Variants in PAK5 observed in about 807,000 individuals in gnomAD.
PAK5 encodes p21 (RAC1) activated kinase 5, also known as serine/threonine-protein kinase PAK 5.
PAK5 carries 16 observed loss-of-function variants against 65.9 expected under a neutral mutation model. The ratio of observed to expected loss-of-function variants is 0.24; its 90% CI spans 0.16 to 0.37. The LOEUF (loss-of-function observed/expected upper bound fraction) is 0.37. Among genes scored for constraint, PAK5 ranks in the 10% least tolerant of loss-of-function variants. The pLI, the probability that PAK5 is intolerant of heterozygous loss-of-function variation, is 1.00. For missense variants in PAK5, 785 were observed against 903.9 expected (o/e 0.87, Z 1.69); for synonymous variants, 371 against 354.9 (o/e 1.05, Z -0.51).
At chr20:9,750,220 AG>A (rs1271657687) in intron 1 of PAK5, among the ~76,000 whole-genome samples, 6 of 152,152 alleles carry the variant, frequency 3.9e-5, no homozygotes, top group Non-Finnish European at 7.3e-5. Context: ...ACGTACAAGC[AG>A]TATGATCAGA....
At chr20:9,772,484 C>G (rs1160499920) in intron 1 of PAK5, among the ~76,000 whole-genome samples, 1 of 152,028 alleles carries the variant, frequency 6.6e-6, no homozygotes, top group African/African-American at 2.4e-5. Context: ...GTCAATGACA[C>G]CAGCCAGGAA....
chr20:9,577,216 C>T (rs1242909984), intron 4 of PAK5: 2 of 142,386 alleles, frequency 1.4e-5, no homozygotes, highest in African/African-American at 5.0e-5. Context: ...GCAAAATACA[C>T]TTAAATGTAG....
chr20:9,752,437 G>C (rs2048587665), intron 1 of PAK5, among the ~76,000 whole-genome samples: 1 of 152,088 alleles, frequency 6.6e-6, no homozygotes, highest in South Asian at 2.1e-4. Context: ...GGCCAAGAGT[G>C]GAAGTAGGGA....
At chr20:9,605,756 C>T (rs2046442253) in intron 3 of PAK5, among the ~76,000 whole-genome samples, 1 of 152,098 alleles carries the variant, frequency 6.6e-6, no homozygotes, top group Non-Finnish European at 1.5e-5. Context: ...TGGTAAGACC[C>T]CGTCTCTACT....
chr20:9,759,817 C>T (rs575634351), intron 1 of PAK5, among the ~76,000 whole-genome samples: 4 of 152,232 alleles, frequency 2.6e-5, no homozygotes, highest in African/African-American at 7.2e-5. Flanking sequence ...GAACAAGTCC[C>T]TATAAGACAC....
chr20:9,612,574 A>C (rs1264504367), intron 3 of PAK5, among the ~76,000 whole-genome samples: 1 of 152,030 alleles, frequency 6.6e-6, no homozygotes, highest in Non-Finnish European at 1.5e-5. Context: ...GCAAGAACTC[A>C]CTCATTATCA....
rs150725498 is a variant in PAK5 at position 9,618,915 on chromosome 20, G to GTTTTTTT, written c.204+25203_204+25209dup. ...AGATTCTTTTCTCTCTCTTTCTTTC[G>GTTTTTTT]TTTTTTTTTTTTTTTTTTTTTTTTT... On this transcript the variant is annotated intron_variant, in intron 3 of 9. Transcript: ENST00000353224. Among the ~76,000 whole-genome samples the GTTTTTTT allele has an allele frequency of 1.2e-3, 22 of 18,838 alleles. 6 individuals carry two copies. The highest frequency in any genetic ancestry group is 4.5e-3 in the East Asian group (2 of 448). The allele number at this position is 18,838 out of a possible 152,430, so 12.4% of individuals were successfully genotyped here.
chr20:9,665,085 G>GTTTGTTTTTTTTT (rs2047397241), intron 2 of PAK5, among the ~76,000 whole-genome samples: 1 of 98,920 alleles, frequency 1.0e-5, no homozygotes, highest in African/African-American at 4.1e-5. Context: ...AAATTTTTCT[G>GTTTGTTTTTTTTT]TTTTTTTTTT....
intron 2 of PAK5, among the ~76,000 whole-genome samples, chr20:9,664,914 C>T (rs544938803): frequency 6.6e-6 from 1 of 151,842 alleles, no homozygotes; most frequent in Non-Finnish European, 1.5e-5. Flanking sequence ...TATTTTGGTA[C>T]TACAACTTGT....
chr20:9,647,236 G>A (rs2047145801), intron 2 of PAK5, among the ~76,000 whole-genome samples: 2 of 152,198 alleles, frequency 1.3e-5, no homozygotes, highest in African/African-American at 2.4e-5. Flanking sequence ...GGCCTGGAAT[G>A]TTTTCAGTGG....
intron 4 of PAK5, among the ~76,000 whole-genome samples, chr20:9,577,938 T>C (rs987643459): frequency 6.6e-6 from 1 of 152,146 alleles, no homozygotes; most frequent in Non-Finnish European, 1.5e-5. Flanking sequence ...GTCTGCTTTG[T>C]CTTATATTTG....
At chr20:9,682,180 ACT>A (rs1261774759) in intron 2 of PAK5, among the ~76,000 whole-genome samples, 4 of 151,934 alleles carry the variant, frequency 2.6e-5, no homozygotes, top group African/African-American at 9.7e-5. Flanking sequence ...ACACGGTGAA[ACT>A]CTGTCTCTAC....
At chr20:9,557,467 TG>T (rs2045525115) in intron 7 of PAK5, 140 bp downstream of exon 7, 1 of 607,662 alleles carries the variant, frequency 1.6e-6, no homozygotes, top group Non-Finnish European at 2.7e-6. Flanking sequence ...ATTTCTTTTT[TG>T]TAAGTGTTCT....
intron 3 of PAK5, among the ~76,000 whole-genome samples, chr20:9,610,895 C>T (rs1163452818): frequency 6.6e-6 from 1 of 152,174 alleles, no homozygotes; most frequent in South Asian, 2.1e-4. Flanking sequence ...GGGCCCATTT[C>T]CCCTCCATCT....
chr20:9,815,826 G>T (rs1293799572), intron 1 of PAK5, among the ~76,000 whole-genome samples: 1 of 152,130 alleles, frequency 6.6e-6, no homozygotes, highest in Non-Finnish European at 1.5e-5. Flanking sequence ...CATGCCAAAT[G>T]ACAGTTCCTG....
intron 2 of PAK5, among the ~76,000 whole-genome samples, chr20:9,677,573 A>T (rs2047592049): frequency 6.6e-6 from 1 of 152,246 alleles, no homozygotes; most frequent in Non-Finnish European, 1.5e-5. Context: ...TGTAGATAAA[A>T]GTCTGAACTC....
At chr20:9,783,163 C>T (rs1223941289) in intron 1 of PAK5, among the ~76,000 whole-genome samples, 1 of 151,850 alleles carries the variant, frequency 6.6e-6, no homozygotes, top group Non-Finnish European at 1.5e-5. Flanking sequence ...CTTGAACTCC[C>T]GACCTCCGGT....
chr20:9,658,859 C>A (rs535027335), intron 2 of PAK5, among the ~76,000 whole-genome samples: 2 of 152,176 alleles, frequency 1.3e-5, no homozygotes, highest in African/African-American at 4.8e-5. Flanking sequence ...TGAGCCAGCT[C>A]CAGATACACT....
intron 3 of PAK5, among the ~76,000 whole-genome samples, chr20:9,636,780 A>G (rs1293946696): frequency 6.6e-6 from 1 of 152,230 alleles, no homozygotes; most frequent in South Asian, 2.1e-4. Context: ...GCCAACTAGA[A>G]AAGACAAAAG....
Sources: gnomAD v4.1 joint callset for allele counts (sites outside exome capture counted in the v4.1 genomes callset) on GRCh38, gnomAD v4.1.1 for gene constraint, MANE v1.5 for transcripts, NCBI Gene and HGNC (gene_info 2026-07-23, HGNC 2026-07-21) for gene names.